STK4: variants seen among roughly 807,000 people sequenced by gnomAD.
The protein encoded by STK4 is serine/threonine-protein kinase 4.
Under a neutral mutation model 64.9 loss-of-function variants are expected in STK4, and 30 were observed. The ratio of observed to expected loss-of-function variants is 0.46; its 90% CI spans 0.35 to 0.63. The LOEUF (loss-of-function observed/expected upper bound fraction) is 0.63. STK4 is among the 20% of genes least tolerant of loss of function. The pLI, the probability that STK4 is intolerant of heterozygous loss-of-function variation, is 0.01. For missense variants in STK4, 466 were observed against 598.5 expected, an observed-to-expected ratio of 0.78 and a Z score of 2.31; for synonymous variants, 177 against 199.0, an observed-to-expected ratio of 0.89 and a Z score of 0.93.
intron 2 of STK4, chr20:44,973,344 A>G (rs1464873219): frequency 6.6e-6 from 1 of 152,136 alleles, no homozygotes; most frequent in Non-Finnish European, 1.5e-5. Flanking sequence ...TCAAGCAGAG[A>G]AGGGAAGTAA....
At chr20:45,068,783 A>G (rs774348339) in intron 10 of STK4, among the ~76,000 whole-genome samples, 13 of 152,326 alleles carry the variant, frequency 8.5e-5, no homozygotes, top group Non-Finnish European at 1.6e-4. Context: ...TTACAGATGG[A>G]TTAAATAAAA....
intron 1 of STK4, chr20:44,967,316 G>A: frequency 1.2e-6 from 1 of 825,230 alleles, no homozygotes; most frequent in South Asian, 5.6e-5. Flanking sequence ...GGGAGACTGA[G>A]GTCCAGAGTA....
chr20:45,058,632 C>T (rs1033153101), intron 10 of STK4, among the ~76,000 whole-genome samples: 4 of 152,080 alleles, frequency 2.6e-5, no homozygotes, highest in Non-Finnish European at 5.9e-5. Context: ...AGAGAAGCAG[C>T]TTGGCCTTTT....
At chr20:45,057,213 C>T (rs545021714) in intron 10 of STK4, among the ~76,000 whole-genome samples, 104 of 152,330 alleles carry the variant, frequency 6.8e-4, no homozygotes, top group Admixed American at 1.8e-3. Flanking sequence ...ACCCACATTG[C>T]CATCTCCCAT....
intron 10 of STK4, among the ~76,000 whole-genome samples, chr20:45,032,482 A>ACT (rs2068461830): frequency 6.6e-6 from 1 of 151,972 alleles, no homozygotes; most frequent in Non-Finnish European, 1.5e-5. Context: ...GTCCATGTGT[A>ACT]CTCAGTGTTG....
intron 5 of STK4, among the ~76,000 whole-genome samples, chr20:44,993,296 G>C (rs534839845): frequency 7.6e-4 from 115 of 151,804 alleles, no homozygotes; most frequent in Non-Finnish European, 1.2e-3. Context: ...GTGAACTTCT[G>C]GACTTTATAT....
intron 9 of STK4, among the ~76,000 whole-genome samples, chr20:45,007,532 G>A (rs1285797852): frequency 6.6e-6 from 1 of 151,190 alleles, no homozygotes; most frequent in Non-Finnish European, 1.5e-5. Context: ...GGGTGACAGA[G>A]CGAGACTCCA....
rs752653093 is a variant in STK4 at position 44,966,609 on chromosome 20, G to A, written c.35+6G>A. 1.3e-5 allele frequency: 16 copies of A among 1,274,386 alleles called. No homozygotes were observed. The South Asian group carries it at 4.9e-4, about 39-fold the overall frequency. 78.9% of individuals were successfully genotyped at this position (1,274,386 alleles called of 1,614,324 possible). On this transcript the variant is annotated splice_donor_region_variant and intron_variant, in intron 1 of 10. Coordinates refer to ENST00000372806, the MANE Select transcript of STK4 (RefSeq NM_006282.5). Reference sequence around the variant, plus strand: ...CTGAGGAACCCGCCGCGCCGGTGAGGGGCCACTGGCTAAGAGGACGGGCAT... The same window carrying A: ...CTGAGGAACCCGCCGCGCCGGTGAGAGGCCACTGGCTAAGAGGACGGGCAT...
intron 5 of STK4, 58 bp downstream of exon 5, chr20:44,987,354 CT>C: frequency 6.8e-7 from 1 of 1,477,428 alleles, no homozygotes; most frequent in African/African-American, 1.4e-5. Context: ...GAAGCAGTTC[CT>C]TTTATTTACC....
intron 7 of STK4, among the ~76,000 whole-genome samples, 161 bp from the exon 8 acceptor site, chr20:45,000,231 T>C (rs2067810921): frequency 6.6e-6 from 1 of 152,216 alleles, no homozygotes; most frequent in South Asian, 2.1e-4. Flanking sequence ...CTCAGAGTTA[T>C]AAAGCGAGTG....
At chr20:45,025,858 A>G (rs1343318483) in intron 10 of STK4, among the ~76,000 whole-genome samples, 2 of 152,200 alleles carry the variant, frequency 1.3e-5, no homozygotes, top group Admixed American at 1.3e-4. Flanking sequence ...TAGATTGGGC[A>G]TTGGGCTTGA....
chr20:44,981,183 C>T lies in STK4; in HGVS notation c.246-646C>T, dbSNP rs370389857. 9.9e-5 allele frequency among the ~76,000 whole-genome samples: 15 copies of T among 151,834 alleles called. 1 individual carries two copies. Among genetic ancestry groups the T allele is most frequent in the East Asian group, 7.7e-4 (4 of 5,166 alleles). Reference sequence around the variant, plus strand: ...TTCTTTGTTTTTTTTGAGATGGAGTCTTGCTCTGTCGCCCAGGCTGGAGTG... The same window carrying T: ...TTCTTTGTTTTTTTTGAGATGGAGTTTTGCTCTGTCGCCCAGGCTGGAGTG... On this transcript the variant is annotated intron_variant, in intron 3 of 10. Coordinates refer to ENST00000372806, the MANE Select transcript of STK4 (RefSeq NM_006282.5).
chr20:45,056,321 G>A (rs1311588271), intron 10 of STK4, among the ~76,000 whole-genome samples: 1 of 152,142 alleles, frequency 6.6e-6, no homozygotes, highest in Admixed American at 6.5e-5. Flanking sequence ...TCTTTTCTGG[G>A]ATGTCAGATG....
chr20:45,012,948 ATTTTTTTTTTTTTTTTTT>A (rs60788017), intron 9 of STK4, among the ~76,000 whole-genome samples: 1 of 51,166 alleles, frequency 2.0e-5, no homozygotes, highest in African/African-American at 8.5e-5. Context: ...CACACCTGTG[ATTTTTTTTTTTTTTTTTT>A]TTTTTTTTTT....
intron 10 of STK4, among the ~76,000 whole-genome samples, chr20:45,036,278 A>C (rs1424821028): frequency 6.6e-6 from 1 of 152,044 alleles, no homozygotes; most frequent in Non-Finnish European, 1.5e-5. Flanking sequence ...AGAAATAAAC[A>C]GTTTCTAAGT....
chr20:45,009,904 T>G (rs1358747195), intron 9 of STK4, among the ~76,000 whole-genome samples: 2 of 152,234 alleles, frequency 1.3e-5, no homozygotes, highest in African/African-American at 4.8e-5. Flanking sequence ...CTAAATGTGC[T>G]TATCAATTCT....
intron 5 of STK4, among the ~76,000 whole-genome samples, chr20:44,992,140 A>G (rs1024663966): frequency 2.6e-5 from 4 of 152,042 alleles, no homozygotes; most frequent in African/African-American, 9.6e-5. Flanking sequence ...TTTATATAGA[A>G]AAATCCATCT....
At chr20:45,058,586 G>A (rs1600553506) in intron 10 of STK4, among the ~76,000 whole-genome samples, 2 of 152,054 alleles carry the variant, frequency 1.3e-5, no homozygotes, top group South Asian at 4.2e-4. Flanking sequence ...AATTTTGCTG[G>A]GGATTCTTTG....
At chr20:45,018,860 T>G (rs1222701354) in intron 9 of STK4, among the ~76,000 whole-genome samples, 1 of 151,950 alleles carries the variant, frequency 6.6e-6, no homozygotes, top group African/African-American at 2.4e-5. Flanking sequence ...CCTGAATAGT[T>G]GGGACTACAG....
Sources: allele counts gnomAD v4.1 joint callset (sites outside exome capture counted in the v4.1 genomes callset), GRCh38; gene constraint gnomAD v4.1.1; transcripts MANE v1.5; gene names NCBI Gene and HGNC (gene_info 2026-07-23, HGNC 2026-07-21).